The following CSMD1 variants were observed in gnomAD, a reference collection of about 807,000 sequenced individuals.
CSMD1 encodes the protein CUB and Sushi multiple domains 1, also known as CUB and sushi domain-containing protein 1.
A neutral mutation model predicts 417.5 loss-of-function variants in CSMD1; 213 were observed. That is an observed-to-expected ratio of 0.51 (90% CI 0.46 to 0.57). The LOEUF (loss-of-function observed/expected upper bound fraction) is 0.57. CSMD1 is among the 20% of genes least tolerant of loss of function. The pLI is 0.00. For synonymous variants in CSMD1, 2,862 were observed against 1,736.8 expected, an observed-to-expected ratio of 1.65 and a Z score of -16.11; for missense variants, 6,923 against 4,529.7, an observed-to-expected ratio of 1.53 and a Z score of -15.17.
chr8:3,899,349 A>T (rs953652098), intron 5 of CSMD1, among the ~76,000 whole-genome samples: 2 of 152,172 alleles, frequency 1.3e-5, no homozygotes, highest in African/African-American at 4.8e-5. Flanking sequence ...AGTTTGCTGG[A>T]CAGATTCTCC....
At chr8:4,898,108 A>G (rs1400683430) in intron 1 of CSMD1, among the ~76,000 whole-genome samples, 2 of 152,264 alleles carry the variant, frequency 1.3e-5, no homozygotes, top group South Asian at 2.1e-4. Context: ...AAGCAAACGA[A>G]TAAGTAAATA....
At chr8:3,803,484 C>G (rs1248439173) in intron 5 of CSMD1, among the ~76,000 whole-genome samples, 1 of 152,128 alleles carries the variant, frequency 6.6e-6, no homozygotes, top group Non-Finnish European at 1.5e-5. Flanking sequence ...GCTTCAGAGG[C>G]TGAATAACAA....
At chr8:3,218,763 T>A (rs1445161590) in intron 29 of CSMD1, among the ~76,000 whole-genome samples, 1 of 151,690 alleles carries the variant, frequency 6.6e-6, no homozygotes, top group South Asian at 2.1e-4. Context: ...TTCCAGCTAC[T>A]CGGGGGGCTG....
chr8:3,941,477 A>C (rs1810878946), intron 5 of CSMD1, among the ~76,000 whole-genome samples: 1 of 152,186 alleles, frequency 6.6e-6, no homozygotes. Flanking sequence ...TATTAAATGC[A>C]TCCTCAAGGT....
chr8:3,066,542 T>G (rs1812948144), intron 49 of CSMD1, among the ~76,000 whole-genome samples: 1 of 152,200 alleles, frequency 6.6e-6, no homozygotes, highest in Admixed American at 6.5e-5. Context: ...AATTCTTGAG[T>G]AATCATGGCT....
intron 5 of CSMD1, among the ~76,000 whole-genome samples, chr8:3,911,227 A>T (rs1808441235): frequency 6.6e-6 from 1 of 152,194 alleles, no homozygotes; most frequent in Non-Finnish European, 1.5e-5. Flanking sequence ...TTGAATGCTC[A>T]TTCCAAAATC....
intron 1 of CSMD1, among the ~76,000 whole-genome samples, chr8:4,845,131 A>G (rs1447296115): frequency 6.6e-6 from 1 of 152,222 alleles, no homozygotes; most frequent in Non-Finnish European, 1.5e-5. Flanking sequence ...TTTTATTAGT[A>G]TATAAAAATT....
chr8:4,668,599 G>A lies in CSMD1; in HGVS notation c.86-31041C>T, dbSNP rs147252703. Among the ~76,000 whole-genome samples, 165 of 151,778 alleles carry A rather than the reference G, an allele frequency of 1.1e-3. 1 individual carries two copies. The East Asian group carries it at 0.029, about 27-fold the overall frequency. On this transcript the variant is annotated intron_variant, in intron 1 of 69. Coordinates refer to ENST00000635120, the MANE Select transcript of CSMD1 (RefSeq NM_033225.6). ...AGAGAAGCTGGGAATACAGGCGTCC[G>A]CCACCACGCCTGGCTAATTTTTTTG...
chr8:4,570,571 T>C (rs1798841199), intron 2 of CSMD1, among the ~76,000 whole-genome samples: 1 of 152,180 alleles, frequency 6.6e-6, no homozygotes, highest in Non-Finnish European at 1.5e-5. Context: ...TCGATGTTCA[T>C]CGGGCATATT....
At chr8:3,578,495 T>C (rs563120019) in intron 9 of CSMD1, among the ~76,000 whole-genome samples, 9 of 152,206 alleles carry the variant, frequency 5.9e-5, no homozygotes, top group Admixed American at 1.3e-4. Flanking sequence ...GCCATTATCT[T>C]ATCTAAAAAC....
chr8:4,217,537 T>A (rs1223281927), intron 3 of CSMD1, among the ~76,000 whole-genome samples: 1 of 152,136 alleles, frequency 6.6e-6, no homozygotes, highest in African/African-American at 2.4e-5. Context: ...GGTGGAAGTG[T>A]CTTCTTGAAT....
intron 21 of CSMD1, among the ~76,000 whole-genome samples, chr8:3,351,813 C>T (rs956131446): frequency 1.3e-5 from 2 of 149,710 alleles, no homozygotes; most frequent in African/African-American, 4.9e-5. Flanking sequence ...AATGTGTACT[C>T]ACTATTTAAT....
chr8:4,016,013 G>C (rs58952606), intron 4 of CSMD1, among the ~76,000 whole-genome samples: 4 of 152,276 alleles, frequency 2.6e-5, no homozygotes, highest in South Asian at 2.1e-4. Context: ...ATCAGCCACT[G>C]TCTTTCAGCC....
Position 3,143,321 on chromosome 8 carries a change from A to G in CSMD1, c.6032-647T>C, listed in dbSNP as rs183129690. ...TCTATTGTGTTACGTGTGCAAAACA[A>G]ATTATTGATGTTTGTGAGAAACCCA... On this transcript the variant is annotated intron_variant, in intron 40 of 69. Coordinates refer to ENST00000635120, the MANE Select transcript of CSMD1 (RefSeq NM_033225.6). 1.2e-4 allele frequency among the ~76,000 whole-genome samples: 18 copies of G among 152,326 alleles called. No homozygotes were observed. In the East Asian group the frequency reaches 3.5e-3, roughly 29 times the overall value.
intron 3 of CSMD1, among the ~76,000 whole-genome samples, chr8:4,077,352 AT>A (rs200852231): frequency 0.018 from 2,319 of 132,504 alleles, 77 homozygotes; most frequent in African/African-American, 0.065. Context: ...TATAATTTAT[AT>A]TTTTTATCAG....
At chr8:3,317,420 G>C (rs960744843) in intron 23 of CSMD1, among the ~76,000 whole-genome samples, 15 of 152,302 alleles carry the variant, frequency 9.8e-5, no homozygotes, top group African/African-American at 3.4e-4. Context: ...AGTCAACATT[G>C]ACACTCAATC....
chr8:3,201,878 C>G (rs1220135343), intron 31 of CSMD1, among the ~76,000 whole-genome samples, 153 bp from the exon 32 acceptor site: 1 of 152,022 alleles, frequency 6.6e-6, no homozygotes, highest in African/African-American at 2.4e-5. Context: ...TCTCTGCTTT[C>G]TAAGTTTTCA....
intron 5 of CSMD1, among the ~76,000 whole-genome samples, chr8:3,845,311 C>T (rs895690839): frequency 6.6e-6 from 1 of 152,158 alleles, no homozygotes; most frequent in Non-Finnish European, 1.5e-5. Flanking sequence ...GGTGGACTAG[C>T]CTACCACACA....
intron 6 of CSMD1, among the ~76,000 whole-genome samples, chr8:3,738,024 A>C (rs1796611457): frequency 6.6e-6 from 1 of 152,218 alleles, no homozygotes; most frequent in African/African-American, 2.4e-5. Context: ...AAAAGGGGCC[A>C]TGTCTCCCTT....
Sources: allele counts gnomAD v4.1 joint callset (sites outside exome capture counted in the v4.1 genomes callset), GRCh38; gene constraint gnomAD v4.1.1; transcripts MANE v1.5; gene names NCBI Gene and HGNC (gene_info 2026-07-23, HGNC 2026-07-21).